NAALADL2: variants seen among roughly 807,000 people sequenced by gnomAD.
NAALADL2 encodes N-acetylated alpha-linked acidic dipeptidase like 2, also known as inactive N-acetylated-alpha-linked acidic dipeptidase-like protein 2.
A neutral mutation model predicts 87.2 loss-of-function variants in NAALADL2; 76 were observed. The ratio of observed to expected loss-of-function variants is 0.87; its 90% confidence interval spans 0.72 to 1.05. NAALADL2 has a LOEUF of 1.05. NAALADL2 is among the 50% of genes least tolerant of loss of function. The pLI is 0.00. For missense variants in NAALADL2, 1,089 were observed against 945.8 expected, an observed-to-expected ratio of 1.15 and a Z score of -1.99; for synonymous variants, 354 against 331.0, an observed-to-expected ratio of 1.07 and a Z score of -0.75.
intron 2 of NAALADL2, among the ~76,000 whole-genome samples, chr3:174,717,720 G>A (rs940745778): frequency 6.6e-6 from 1 of 152,168 alleles, no homozygotes. Context: ...TAAATATGTA[G>A]TAAGAAATGA....
intron 11 of NAALADL2, among the ~76,000 whole-genome samples, chr3:175,696,802 A>G (rs575438987): frequency 4.8e-4 from 73 of 152,276 alleles, no homozygotes; most frequent in Non-Finnish European, 8.7e-4. Context: ...GTCCAAGAAC[A>G]TGGCACCAAT....
chr3:175,126,247 C>A (rs1349722663), intron 2 of NAALADL2, among the ~76,000 whole-genome samples: 1 of 151,866 alleles, frequency 6.6e-6, no homozygotes, highest in Non-Finnish European at 1.5e-5. Flanking sequence ...ATAAAAGAGG[C>A]GATTGACTTA....
chr3:175,270,350 T>C (rs1278804295), intron 4 of NAALADL2, among the ~76,000 whole-genome samples: 3 of 152,234 alleles, frequency 2.0e-5, no homozygotes, highest in Non-Finnish European at 4.4e-5. Flanking sequence ...CTGCAGAGTA[T>C]GGTAAAAATC....
At chr3:175,298,850 G>A (rs910219664) in intron 4 of NAALADL2, among the ~76,000 whole-genome samples, 1 of 152,132 alleles carries the variant, frequency 6.6e-6, no homozygotes, top group African/African-American at 2.4e-5. Flanking sequence ...CCTTCATGAG[G>A]TGCAAATTGT....
At chr3:175,746,433 T>C (rs202061243) in intron 12 of NAALADL2, among the ~76,000 whole-genome samples, 2 of 152,072 alleles carry the variant, frequency 1.3e-5, no homozygotes, top group East Asian at 3.9e-4. Context: ...ACCGTACAGT[T>C]TGCCTGAGTC....
chr3:175,016,558 G>C (rs965086270), intron 1 of NAALADL2, among the ~76,000 whole-genome samples: 1 of 151,272 alleles, frequency 6.6e-6, no homozygotes, highest in African/African-American at 2.4e-5. Context: ...TTTCTGAAAT[G>C]TGCTTTATTA....
intron 3 of NAALADL2, among the ~76,000 whole-genome samples, chr3:174,781,736 T>C (rs1213892000): frequency 6.6e-6 from 1 of 151,948 alleles, no homozygotes; most frequent in Non-Finnish European, 1.5e-5. Context: ...GTTTCATGTG[T>C]TCAGGAGAGG....
chr3:174,757,070 C>T (rs1195548819), intron 3 of NAALADL2, among the ~76,000 whole-genome samples: 4 of 152,162 alleles, frequency 2.6e-5, no homozygotes, highest in East Asian at 3.9e-4. Flanking sequence ...TTCATATCTG[C>T]CTTTCCTTCT....
In NAALADL2 at chr3:175,133,063, GCGCTCCC is replaced by G. The variant is rs1223537175; in HGVS notation, c.545+35774_545+35780del. Among the ~76,000 whole-genome samples, 473 of 150,396 alleles carry G rather than the reference GCGCTCCC, an allele frequency of 3.1e-3. 1 individual carries two copies. The highest frequency in any genetic ancestry group is 0.011 in the African/African-American group (455 of 40,814). On this transcript the variant is annotated intron_variant, in intron 2 of 13. Transcript: ENST00000454872. ...TCCCAGACGGGGCGGCGGGGCAGAG[GCGCTCCC>G]CACATCCCAGACGGGGCGGCGGGGC...
intron 2 of NAALADL2, among the ~76,000 whole-genome samples, chr3:175,208,703 C>T (rs1288791978): frequency 6.6e-6 from 1 of 152,092 alleles, no homozygotes; most frequent in East Asian, 1.9e-4. Flanking sequence ...CTGATCTCCA[C>T]ATGGTTGAAC....
intron 2 of NAALADL2, among the ~76,000 whole-genome samples, chr3:174,722,359 T>C (rs1731785192): frequency 6.6e-6 from 1 of 152,208 alleles, no homozygotes. Flanking sequence ...CTTTTTAAAA[T>C]AAAATTATCC....
At chr3:175,041,528 T>C (rs1221392731) in intron 1 of NAALADL2, among the ~76,000 whole-genome samples, 1 of 152,174 alleles carries the variant, frequency 6.6e-6, no homozygotes, top group Non-Finnish European at 1.5e-5. Flanking sequence ...TAGATCTTAG[T>C]AATCTTCTGC....
chr3:175,758,347 G>A (rs1216069440), intron 13 of NAALADL2, among the ~76,000 whole-genome samples: 1 of 151,824 alleles, frequency 6.6e-6, no homozygotes, highest in Non-Finnish European at 1.5e-5. Flanking sequence ...AGGAATACAT[G>A]TCTGCCGTTC....
intron 2 of NAALADL2, among the ~76,000 whole-genome samples, chr3:175,102,393 A>G (rs1469264323): frequency 6.6e-6 from 1 of 152,190 alleles, no homozygotes; most frequent in East Asian, 1.9e-4. Flanking sequence ...AAGAATGTTG[A>G]TAAAGGTTTT....
intron 3 of NAALADL2, among the ~76,000 whole-genome samples, chr3:174,806,822 A>G (rs1012352263): frequency 5.3e-5 from 8 of 152,280 alleles, no homozygotes; most frequent in Non-Finnish European, 1.2e-4. Context: ...TGACATATTT[A>G]TGTAGTCCTT....
At chr3:174,800,862 A>G (rs1333088569) in intron 3 of NAALADL2, among the ~76,000 whole-genome samples, 4 of 152,144 alleles carry the variant, frequency 2.6e-5, no homozygotes, top group African/African-American at 9.7e-5. Flanking sequence ...ATCATTTTGG[A>G]GCTTTAAGAT....
At chr3:175,294,362 G>GA (rs58182588) in intron 4 of NAALADL2, among the ~76,000 whole-genome samples, 36,866 of 148,296 alleles carry the variant, frequency 0.25, 4,831 homozygotes, top group African/African-American at 0.34. Flanking sequence ...ACTGTGTATA[G>GA]AAAAAAAAAA....
At chr3:175,634,740 G>T (rs187079864) in intron 11 of NAALADL2, among the ~76,000 whole-genome samples, 15 of 151,996 alleles carry the variant, frequency 9.9e-5, no homozygotes, top group Admixed American at 9.8e-4. Flanking sequence ...TTCTATTTAA[G>T]AAAACAAGTT....
intron 2 of NAALADL2, among the ~76,000 whole-genome samples, chr3:175,198,399 C>T (rs1052213309): frequency 9.2e-5 from 14 of 151,988 alleles, no homozygotes; most frequent in African/African-American, 3.4e-4. Flanking sequence ...GTCTATTCTA[C>T]ACATGTACAA....
Sources: allele counts gnomAD v4.1 joint callset (sites outside exome capture counted in the v4.1 genomes callset), GRCh38; gene constraint gnomAD v4.1.1; transcripts MANE v1.5; gene names NCBI Gene and HGNC (gene_info 2026-07-23, HGNC 2026-07-21).